ZW10: variants seen among roughly 807,000 people sequenced by gnomAD.
The protein encoded by ZW10 is centromere/kinetochore protein zw10 homolog.
Under a neutral mutation model 87.8 loss-of-function variants are expected in ZW10, and 53 were observed. The observed-to-expected ratio is 0.60, with a 90% CI of 0.48 to 0.76. The LOEUF (loss-of-function observed/expected upper bound fraction) is 0.76, where lower values mean the gene tolerates loss of function less well. Among genes scored for constraint, ZW10 ranks in the 30% least tolerant of loss-of-function variants. ZW10 has a pLI of 0.00. For missense variants in ZW10, 837 were observed against 923.0 expected (o/e 0.91, Z 1.21); for synonymous variants, 312 against 329.2 (o/e 0.95, Z 0.57).
At chr11:113,770,139 A>G (rs1953948955) in intron 1 of ZW10, 1 of 130,234 alleles carries the variant, frequency 7.7e-6, no homozygotes, top group African/African-American at 3.2e-5. Context: ...TCCAGGCTGG[A>G]ATGCGGTGGT....
intron 1 of ZW10, among the ~76,000 whole-genome samples, chr11:113,772,492 C>A (rs1332914444): frequency 6.6e-6 from 1 of 152,130 alleles, no homozygotes; most frequent in Non-Finnish European, 1.5e-5. Context: ...GACTCAGATA[C>A]ACAAAATTTT....
At chr11:113,739,001 T>C (rs1342703281) in intron 12 of ZW10, among the ~76,000 whole-genome samples, 1 of 152,154 alleles carries the variant, frequency 6.6e-6, no homozygotes, top group Non-Finnish European at 1.5e-5. Context: ...TGAAATCATG[T>C]TACAAAAAAG....
intron 9 of ZW10, among the ~76,000 whole-genome samples, chr11:113,747,154 TCA>T (rs1953686740): frequency 6.6e-6 from 1 of 152,182 alleles, no homozygotes; most frequent in East Asian, 1.9e-4. Context: ...GTCAACACTT[TCA>T]TAAGAGGATA....
intron 7 of ZW10, among the ~76,000 whole-genome samples, chr11:113,756,751 A>G (rs956330146): frequency 1.3e-5 from 2 of 152,208 alleles, no homozygotes; most frequent in Non-Finnish European, 2.9e-5. Context: ...GGACCAAATC[A>G]TCTCTCCAAT....
Position 113,741,779 on chromosome 11 carries a change from A to G in ZW10, c.1512-14T>C. ...AGTTGAACAGCACTAAAAAGAAAAC[A>G]TAGACTTAACAGAAATGCCTAAGAA... is the stretch of plus-strand genomic sequence containing the variant. On this transcript the variant is annotated splice_polypyrimidine_tract_variant and intron_variant, in intron 10 of 15. Transcript: ENST00000200135. 1 of 1,587,326 alleles carries G rather than the reference A, an allele frequency of 6.3e-7. No individual in the cohort carries two copies. Among genetic ancestry groups the G allele is most frequent in the Non-Finnish European group, 8.6e-7 (1 of 1,164,126 alleles).
At chr11:113,765,020 A>G (rs1390818088) in intron 2 of ZW10, among the ~76,000 whole-genome samples, 2 of 152,208 alleles carry the variant, frequency 1.3e-5, no homozygotes, top group African/African-American at 2.4e-5. Flanking sequence ...GTCTGAAGAC[A>G]TTGGCTGTCA....
intron 8 of ZW10, 25 bp downstream of exon 8, chr11:113,748,232 C>A: frequency 6.3e-7 from 1 of 1,584,498 alleles, no homozygotes; most frequent in Non-Finnish European, 8.6e-7. Flanking sequence ...GTCTTAAAAC[C>A]TTCTGTGCTG....
At chr11:113,748,491 A>G (rs1953703991) in intron 7 of ZW10, 71 bp from the exon 8 acceptor site, 2 of 1,352,792 alleles carry the variant, frequency 1.5e-6, no homozygotes, top group Admixed American at 5.3e-5. Context: ...TAGGTTTTCT[A>G]GAATTCTTTA....
At chr11:113,748,629 T>C (rs1167407393) in intron 7 of ZW10, among the ~76,000 whole-genome samples, 1 of 152,220 alleles carries the variant, frequency 6.6e-6, no homozygotes, top group African/African-American at 2.4e-5. Flanking sequence ...CTGTACTATA[T>C]TACTGTCTGT....
intron 9 of ZW10, among the ~76,000 whole-genome samples, chr11:113,745,715 G>A (rs1953670707): frequency 3.3e-5 from 5 of 152,178 alleles, no homozygotes; most frequent in African/African-American, 1.2e-4. Flanking sequence ...GACCTAGTAA[G>A]ATGTCTCTTA....
chr11:113,765,216 T>C (rs1005181091), intron 2 of ZW10, among the ~76,000 whole-genome samples: 11 of 152,376 alleles, frequency 7.2e-5, no homozygotes, highest in African/African-American at 2.2e-4. Flanking sequence ...TCCATTCCCA[T>C]GGCTTCAATT....
chr11:113,757,339 C>T (rs114544589), intron 7 of ZW10, among the ~76,000 whole-genome samples: 1,615 of 152,196 alleles, frequency 0.011, 35 homozygotes, highest in African/African-American at 0.038. Flanking sequence ...TCTTCTTCTC[C>T]TATAATTAAA....
intron 7 of ZW10, among the ~76,000 whole-genome samples, chr11:113,754,253 G>A (rs962892615): frequency 2.0e-5 from 3 of 152,210 alleles, no homozygotes; most frequent in African/African-American, 4.8e-5. Context: ...GGGAGGCCAA[G>A]GCAGGTGGAC....
At chr11:113,747,465 G>T in intron 9 of ZW10, 66 bp downstream of exon 9, 1 of 1,375,442 alleles carries the variant, frequency 7.3e-7, no homozygotes, top group Non-Finnish European at 1.0e-6. Flanking sequence ...TTTACTATAT[G>T]CATCTCAAAA....
chr11:113,760,707 A>AAAAAAAAAAAAAT, intron 3 of ZW10, 110 bp downstream of exon 3: 1 of 1,215,558 alleles, frequency 8.2e-7, no homozygotes, highest in Non-Finnish European at 1.1e-6. Flanking sequence ...AAAAAAAAGA[A>AAAAAAAAAAAAAT]AGAAAAAAAA....
At chr11:113,751,830 A>C (rs1003763335) in intron 7 of ZW10, among the ~76,000 whole-genome samples, 5 of 152,014 alleles carry the variant, frequency 3.3e-5, no homozygotes, top group Non-Finnish European at 7.4e-5. Flanking sequence ...AGATTGTGCC[A>C]CTGCACTCCA....
At chr11:113,770,873 C>T (rs1565290066) in intron 1 of ZW10, among the ~76,000 whole-genome samples, 1 of 150,930 alleles carries the variant, frequency 6.6e-6, no homozygotes, top group Non-Finnish European at 1.5e-5. Context: ...TGTTTGTGCT[C>T]CTGATTTCCC....
intron 1 of ZW10, among the ~76,000 whole-genome samples, chr11:113,770,970 A>ATTTT (rs71063523): frequency 4.3e-5 from 5 of 116,198 alleles, no homozygotes; most frequent in East Asian, 2.6e-4. Flanking sequence ...TGAGGATGCT[A>ATTTT]TTTTTTTTTT....
chr11:113,747,802 A>G, intron 8 of ZW10, 89 bp from the exon 9 acceptor site: 1 of 1,112,666 alleles, frequency 9.0e-7, no homozygotes, highest in Non-Finnish European at 1.2e-6. Flanking sequence ...TAAAAAAATG[A>G]GGACCAAGCT....
Sources: gnomAD v4.1 joint callset for allele counts (sites outside exome capture counted in the v4.1 genomes callset) on GRCh38, gnomAD v4.1.1 for gene constraint, MANE v1.5 for transcripts, NCBI Gene and HGNC (gene_info 2026-07-23, HGNC 2026-07-21) for gene names.